Variants in SOX6 observed in about 807,000 individuals in gnomAD.
The protein encoded by SOX6 is transcription factor SOX-6.
In SOX6, 11 loss-of-function variants were observed where a neutral mutation model predicts 97.8. The ratio of observed to expected loss-of-function variants is 0.11; its 90% CI spans 0.07 to 0.19. SOX6 has a LOEUF of 0.19. SOX6 is among the 10% of genes least tolerant of loss of function. The pLI is 1.00. For missense variants in SOX6, 810 were observed against 1,039.5 expected, an observed-to-expected ratio of 0.78 and a Z score of 3.04; for synonymous variants, 360 against 371.4, an observed-to-expected ratio of 0.97 and a Z score of 0.35.
intron 1 of SOX6, among the ~76,000 whole-genome samples, chr11:16,446,557 TAA>T (rs892679904): frequency 6.6e-6 from 1 of 152,076 alleles, no homozygotes; most frequent in Admixed American, 6.6e-5. Flanking sequence ...TCTGCAGAGT[TAA>T]AGTGATCCCA....
chr11:16,022,287 A>G (rs1855082302), intron 12 of SOX6, among the ~76,000 whole-genome samples: 1 of 151,058 alleles, frequency 6.6e-6, no homozygotes, highest in African/African-American at 2.5e-5. Context: ...AGAACAATAC[A>G]TAACCAAAGA....
chr11:16,219,564 T>C (rs903247247), intron 4 of SOX6, among the ~76,000 whole-genome samples: 2 of 152,102 alleles, frequency 1.3e-5, no homozygotes, highest in African/African-American at 4.8e-5. Flanking sequence ...GCATTAAATA[T>C]GCACTCAGTA....
At position 16,607,258 on chromosome 11, in the gene SOX6, C is replaced by G. The variant is rs1848345579; in HGVS notation, n.609+4823G>C. 1 of 152,982 alleles carries G rather than the reference C, an allele frequency of 6.5e-6. No individual in the cohort carries two copies. The highest frequency in any genetic ancestry group is 1.5e-5 in the Non-Finnish European group (1 of 68,710). The allele number at this position is 152,982 out of a possible 1,614,324, so 9.5% of individuals were successfully genotyped here. On this transcript the variant is annotated intron_variant and non_coding_transcript_variant, in intron 4 of 5. Transcript: ENST00000524520. This position sits in a 1 kb window ranked among gnomAD's most constrained non-coding sequence, Gnocchi z 6.5. ...CTGGGCTCCTGCCCCCTGCCCCCTC[C>G]GGCGCCCCAACAGGTAGCTCACAGC...
At chr11:16,306,786 C>T (rs1473700275) in intron 3 of SOX6, among the ~76,000 whole-genome samples, 10 of 151,780 alleles carry the variant, frequency 6.6e-5, no homozygotes, top group African/African-American at 2.2e-4. Context: ...CCACCATGCC[C>T]GGCTAATTTT....
At chr11:16,560,420 TAC>T (rs1847795889) in intron 4 of SOX6, among the ~76,000 whole-genome samples, 7 of 123,170 alleles carry the variant, frequency 5.7e-5, no homozygotes, top group Admixed American at 5.6e-4. Context: ...CATATATACG[TAC>T]ATATGTTTAT....
chr11:16,319,015 G>A (rs1855831070), intron 2 of SOX6, among the ~76,000 whole-genome samples: 1 of 152,022 alleles, frequency 6.6e-6, no homozygotes. Flanking sequence ...TAATTATTAG[G>A]CTTGGTAAAG....
At chr11:16,430,824 C>T (rs1207715004) in intron 1 of SOX6, among the ~76,000 whole-genome samples, 1 of 152,200 alleles carries the variant, frequency 6.6e-6, no homozygotes, top group Admixed American at 6.5e-5. Flanking sequence ...CAGAGCAAAC[C>T]TTTTAACACG....
chr11:16,433,252 ATT>A (rs1859304136), intron 1 of SOX6, among the ~76,000 whole-genome samples: 1 of 151,934 alleles, frequency 6.6e-6, no homozygotes, highest in African/African-American at 2.4e-5. Context: ...TTATTTTTCC[ATT>A]CTCTTCTCCC....
intron 4 of SOX6, among the ~76,000 whole-genome samples, chr11:16,220,516 C>A (rs996555887): frequency 6.6e-6 from 1 of 151,966 alleles, no homozygotes; most frequent in South Asian, 2.1e-4. Flanking sequence ...ACGCTGTAAA[C>A]TTGACATTTA....
chr11:16,453,831 A>G (rs1156457055), intron 1 of SOX6, among the ~76,000 whole-genome samples: 5 of 152,146 alleles, frequency 3.3e-5, no homozygotes, highest in African/African-American at 1.2e-4. Flanking sequence ...CTCACAGAAG[A>G]GTGATTAAAT....
intron 6 of SOX6, among the ~76,000 whole-genome samples, chr11:16,132,386 GAAAGAAAGAAAGAAA>G (rs1849800287): frequency 1.3e-5 from 1 of 79,542 alleles, no homozygotes; most frequent in African/African-American, 5.7e-5. Flanking sequence ...AAGAAAGAAA[GAAAGAAAGAAAGAAA>G]AAAGAAAGAA....
intron 4 of SOX6, among the ~76,000 whole-genome samples, chr11:16,191,073 G>GAC (rs1851616974): frequency 6.6e-6 from 1 of 152,130 alleles, no homozygotes; most frequent in Non-Finnish European, 1.5e-5. Flanking sequence ...ATAATGATGA[G>GAC]ACATAAAGGA....
At chr11:16,540,757 C>T (rs1444490532) in intron 4 of SOX6, among the ~76,000 whole-genome samples, 1 of 152,138 alleles carries the variant, frequency 6.6e-6, no homozygotes, top group East Asian at 1.9e-4. Context: ...AAGAATCCAA[C>T]TTACAAGGGA....
At chr11:16,712,767 T>G (rs1848191362) in intron 3 of SOX6, among the ~76,000 whole-genome samples, 1 of 151,770 alleles carries the variant, frequency 6.6e-6, no homozygotes, top group South Asian at 2.1e-4. Context: ...ATATAATTGT[T>G]TTATGTAGTT....
At chr11:16,305,735 A>G (rs1855409457) in intron 3 of SOX6, among the ~76,000 whole-genome samples, 1 of 152,198 alleles carries the variant, frequency 6.6e-6, no homozygotes, top group Non-Finnish European at 1.5e-5. Flanking sequence ...ATTTTTAAGT[A>G]TGAACTTCTT....
At chr11:16,655,971 T>TA (rs112093833) in intron 3 of SOX6, among the ~76,000 whole-genome samples, 120 of 144,446 alleles carry the variant, frequency 8.3e-4, no homozygotes, top group East Asian at 1.6e-3. Flanking sequence ...CCTGTCTCAT[T>TA]AAAAAAAAAA....
intron 3 of SOX6, among the ~76,000 whole-genome samples, chr11:16,289,275 G>A (rs925604780): frequency 2.6e-5 from 4 of 151,818 alleles, no homozygotes; most frequent in African/African-American, 9.7e-5. Flanking sequence ...CAACTCCCTG[G>A]TTGTATGAAT....
intron 4 of SOX6, among the ~76,000 whole-genome samples, chr11:16,501,099 T>C (rs934290394): frequency 6.6e-6 from 1 of 152,154 alleles, no homozygotes; most frequent in Non-Finnish European, 1.5e-5. Context: ...ATGGTACTGG[T>C]ACCAAAACAG....
chr11:16,015,140 T>C (rs1854847245), intron 12 of SOX6, 90 bp from the exon 13 acceptor site: 1 of 1,084,478 alleles, frequency 9.2e-7, no homozygotes, highest in Non-Finnish European at 1.4e-6. Flanking sequence ...GGCCAAAAGG[T>C]GAATTCAAAA....
Sources: gnomAD v4.1 joint callset for allele counts (sites outside exome capture counted in the v4.1 genomes callset) on GRCh38, gnomAD v4.1.1 for gene constraint, Gnocchi (gnomAD v3.1) non-coding constraint, MANE v1.5 for transcripts, NCBI Gene and HGNC (gene_info 2026-07-23, HGNC 2026-07-21) for gene names.